The following BRINP1 variants were observed in gnomAD, a reference collection of about 807,000 sequenced individuals.
The protein encoded by BRINP1 is BMP/retinoic acid-inducible neural-specific protein 1.
Under a neutral mutation model 72.9 loss-of-function variants are expected in BRINP1, and 17 were observed. That is an observed-to-expected ratio of 0.23 (90% CI 0.16 to 0.35). The LOEUF (loss-of-function observed/expected upper bound fraction) is 0.35, where lower values mean the gene tolerates loss of function less well. Ranked by LOEUF, BRINP1 falls within the 10% of genes least tolerant of loss-of-function variation. BRINP1 has a pLI of 1.00. For missense variants in BRINP1, 850 were observed against 1,001.6 expected (o/e 0.85, Z 2.04); for synonymous variants, 418 against 378.5 (o/e 1.10, Z -1.21).
chr9:119,318,734 G>A (rs142142971), intron 1 of BRINP1, among the ~76,000 whole-genome samples: 2,792 of 152,190 alleles, frequency 0.018, 35 homozygotes, highest in South Asian at 0.033. Context: ...TGCAGGGTGG[G>A]AGCCTGTGAG....
At chr9:119,170,883 G>A (rs62568652) in intron 7 of BRINP1, among the ~76,000 whole-genome samples, 5,671 of 144,622 alleles carry the variant, frequency 0.039, 170 homozygotes, top group African/African-American at 0.12. Flanking sequence ...GCCAAACTAA[G>A]CTTCATAAGT....
At chr9:119,302,529 T>C (rs1188165402) in intron 2 of BRINP1, among the ~76,000 whole-genome samples, 1 of 152,176 alleles carries the variant, frequency 6.6e-6, no homozygotes, top group East Asian at 1.9e-4. Context: ...CATTGAAACC[T>C]TAAGAACATC....
chr9:119,174,993 G>C (rs2118828596), intron 7 of BRINP1, among the ~76,000 whole-genome samples: 1 of 150,614 alleles, frequency 6.6e-6, no homozygotes, highest in South Asian at 2.1e-4. Context: ...GGGAGGGATA[G>C]CATTGGGAGA....
intron 2 of BRINP1, chr9:119,282,835 A>C (rs531423177): frequency 1.0e-6 from 1 of 985,296 alleles, no homozygotes; most frequent in East Asian, 1.1e-4. Context: ...AGCTGGTCAC[A>C]GTGGAGAGAC....
intron 5 of BRINP1, among the ~76,000 whole-genome samples, chr9:119,226,451 A>G (rs1363554516): frequency 6.6e-6 from 1 of 151,992 alleles, no homozygotes; most frequent in African/African-American, 2.4e-5. Context: ...ATAGCCCCAC[A>G]TGGCTACATA....
At chr9:119,307,641 C>T (rs995902423) in intron 2 of BRINP1, among the ~76,000 whole-genome samples, 6 of 152,134 alleles carry the variant, frequency 3.9e-5, no homozygotes, top group Non-Finnish European at 7.3e-5. Flanking sequence ...AAGAGGTATC[C>T]CTTTTAGTGT....
chr9:119,186,887 G>A (rs937037386), intron 7 of BRINP1, among the ~76,000 whole-genome samples: 3 of 152,068 alleles, frequency 2.0e-5, no homozygotes, highest in African/African-American at 7.2e-5. Flanking sequence ...CCATTCCAGG[G>A]TCCAGAGTCA....
intron 2 of BRINP1, among the ~76,000 whole-genome samples, chr9:119,310,279 G>A (rs1162120684): frequency 1.3e-5 from 2 of 152,156 alleles, no homozygotes; most frequent in Non-Finnish European, 2.9e-5. Flanking sequence ...CTGCACCCTG[G>A]CAGATTCAAG....
At chr9:119,263,563 A>T (rs1376965580) in intron 2 of BRINP1, among the ~76,000 whole-genome samples, 2 of 142,408 alleles carry the variant, frequency 1.4e-5, no homozygotes, top group African/African-American at 5.3e-5. Context: ...ATCTCTAAGT[A>T]CATTGCCTGG....
At chr9:119,237,442 A>G (rs1425217304) in intron 5 of BRINP1, among the ~76,000 whole-genome samples, 1 of 150,454 alleles carries the variant, frequency 6.6e-6, no homozygotes, top group Non-Finnish European at 1.5e-5. Context: ...GGCTCACTGT[A>G]AACTCTGCCT....
At chr9:119,322,578 T>C (rs10984485) in intron 1 of BRINP1, among the ~76,000 whole-genome samples, 23,326 of 152,140 alleles carry the variant, frequency 0.15, 2,250 homozygotes, top group African/African-American at 0.27. Flanking sequence ...CCATGACCCA[T>C]ATTCTGGGCC....
At chr9:119,349,873 C>T (rs1407357812) in intron 1 of BRINP1, among the ~76,000 whole-genome samples, 3 of 152,276 alleles carry the variant, frequency 2.0e-5, no homozygotes, top group Non-Finnish European at 4.4e-5. Flanking sequence ...TTTCCTCTTC[C>T]TTCGTATTTC....
chr9:119,266,419 G>A (rs1180624955), intron 2 of BRINP1, among the ~76,000 whole-genome samples: 1 of 152,194 alleles, frequency 6.6e-6, no homozygotes, highest in Admixed American at 6.5e-5. Context: ...AGGACAGAAA[G>A]TGACGTTACG....
At chr9:119,258,543 C>T (rs974471431) in intron 2 of BRINP1, among the ~76,000 whole-genome samples, 3 of 152,138 alleles carry the variant, frequency 2.0e-5, no homozygotes, top group Non-Finnish European at 2.9e-5. Flanking sequence ...ATACAGAATC[C>T]AAAATATCAG....
chr9:119,191,648 T>C (rs1318147071), intron 7 of BRINP1, among the ~76,000 whole-genome samples: 2 of 151,862 alleles, frequency 1.3e-5, no homozygotes, highest in Non-Finnish European at 2.9e-5. Context: ...TCTGTGTTCA[T>C]GGATGGGGAA....
At chr9:119,292,643 C>T (rs1339541267) in intron 2 of BRINP1, among the ~76,000 whole-genome samples, 1 of 152,196 alleles carries the variant, frequency 6.6e-6, no homozygotes, top group African/African-American at 2.4e-5. Context: ...GAAAGTCCAA[C>T]TTCTAGTATG....
At chr9:119,209,580 A>T in intron 6 of BRINP1, among the ~76,000 whole-genome samples, 1 of 152,098 alleles carries the variant, frequency 6.6e-6, no homozygotes, top group East Asian at 1.9e-4. Context: ...AAAATTAAAA[A>T]AAAAAGGAAA....
chr9:119,192,254 T>C (rs1433139538), intron 7 of BRINP1, among the ~76,000 whole-genome samples: 1 of 151,902 alleles, frequency 6.6e-6, no homozygotes, highest in Non-Finnish European at 1.5e-5. Flanking sequence ...TAAATGAGCC[T>C]ATAGTAAACT....
intron 2 of BRINP1, among the ~76,000 whole-genome samples, chr9:119,299,590 G>A (rs1221918914): frequency 6.6e-6 from 1 of 150,382 alleles, no homozygotes; most frequent in Non-Finnish European, 1.5e-5. Context: ...TCGAGCATGG[G>A]TGACACGGCG....
Sources: gnomAD v4.1 joint callset for allele counts (sites outside exome capture counted in the v4.1 genomes callset) on GRCh38, gnomAD v4.1.1 for gene constraint, MANE v1.5 for transcripts, NCBI Gene and HGNC (gene_info 2026-07-23, HGNC 2026-07-21) for gene names.